Variants in DYRK1A observed in about 807,000 individuals in gnomAD.
DYRK1A encodes dual specificity tyrosine-phosphorylation-regulated kinase 1A.
Under a neutral mutation model 79.7 loss-of-function variants are expected in DYRK1A, and 9 were observed. The ratio of observed to expected loss-of-function variants is 0.11; its 90% CI spans 0.07 to 0.20. The LOEUF (loss-of-function observed/expected upper bound fraction) is 0.20, where lower values mean the gene tolerates loss of function less well. Ranked by LOEUF, DYRK1A falls within the 10% of genes least tolerant of loss-of-function variation. The pLI, the probability that DYRK1A is intolerant of heterozygous loss-of-function variation, is 1.00. For synonymous variants in DYRK1A, 349 were observed against 329.7 expected, an observed-to-expected ratio of 1.06 and a Z score of -0.63; for missense variants, 622 against 956.0, an observed-to-expected ratio of 0.65 and a Z score of 4.61.
Position 37,425,737 on chromosome 21 carries a change from A to T in DYRK1A, c.10+5353A>T, listed in dbSNP as rs572588601. On this transcript the variant is annotated intron_variant, in intron 2 of 11. Coordinates refer to ENST00000647188, the MANE Select transcript of DYRK1A (RefSeq NM_001347721.2). ...GCAAAACCAAAACGTCACATTCAGC[A>T]TCTGCAAGACTAGGTGAACAGTATC... 3.9e-5 allele frequency: 6 copies of T among 152,362 alleles called. No individual in the cohort carries two copies. The South Asian group carries it at 1.2e-3, about 32-fold the overall frequency. The allele number at this position is 152,362 out of a possible 1,614,324, so 9.4% of individuals were successfully genotyped here.
At chr21:37,368,009 C>A in intron 1 of DYRK1A, 1 of 155,824 alleles carries the variant, frequency 6.4e-6, no homozygotes, top group South Asian at 1.8e-4. Context: ...TCCCTCCTCT[C>A]GGTCCCCACC....
rs1156291061 is a variant in DYRK1A at position 37,514,309 on chromosome 21, A to C, written c.*1778A>C. ...ATGTAACACAGTCTGGCAGTTGCTA[A>C]ATTTGTGTTCCCATTTTAAATTGAC... On this transcript the variant is annotated 3_prime_UTR_variant, in exon 12 of 12. Coordinates refer to ENST00000647188, the MANE Select transcript of DYRK1A (RefSeq NM_001347721.2). 3 of 152,588 alleles carry C rather than the reference A, an allele frequency of 2.0e-5. No individual in the cohort carries two copies. Among genetic ancestry groups the C allele is most frequent in the African/African-American group, 7.2e-5 (3 of 41,434 alleles). 9.5% of individuals were successfully genotyped at this position (152,588 alleles called of 1,614,324 possible).
intron 7 of DYRK1A, 125 bp from the exon 8 acceptor site, chr21:37,492,892 A>G (rs1453671781): frequency 7.0e-6 from 5 of 715,590 alleles, no homozygotes; most frequent in African/African-American, 3.5e-5. Flanking sequence ...GTTGAAGTTA[A>G]TCAATGGAAC....
intron 1 of DYRK1A, among the ~76,000 whole-genome samples, chr21:37,404,605 C>G (rs1445574809): frequency 6.6e-6 from 1 of 152,220 alleles, no homozygotes; most frequent in Non-Finnish European, 1.5e-5. Context: ...CCATGCTTTA[C>G]TGAGCCTCTA....
In DYRK1A at chr21:37,482,760, G is replaced by A. The variant is rs576912057; in HGVS notation, c.489+1934G>A. ...CCCTACAGTCTCGACCATAGAAGAC[G>A]GCCACACCCAAGGGGGCCATTTCAG... On this transcript the variant is annotated intron_variant, in intron 5 of 11. Coordinates refer to ENST00000647188, the MANE Select transcript of DYRK1A (RefSeq NM_001347721.2). Among the ~76,000 whole-genome samples the A allele has an allele frequency of 1.4e-4, 21 of 152,208 alleles. No homozygotes were observed. The East Asian group carries it at 3.7e-3, about 27-fold the overall frequency.
chr21:37,399,969 A>T (rs1415390183), intron 1 of DYRK1A, among the ~76,000 whole-genome samples: 2 of 152,190 alleles, frequency 1.3e-5, no homozygotes, highest in African/African-American at 4.8e-5. Context: ...AGATTTAGTG[A>T]CTTAAAACAA....
intron 1 of DYRK1A, among the ~76,000 whole-genome samples, chr21:37,403,462 A>T (rs1281442027): frequency 6.6e-6 from 1 of 151,868 alleles, no homozygotes; most frequent in Admixed American, 6.6e-5. Context: ...TTAAAAAACA[A>T]CAACAGAGGC....
chr21:37,372,842 C>T (rs1170900173), intron 1 of DYRK1A, among the ~76,000 whole-genome samples: 1 of 152,132 alleles, frequency 6.6e-6, no homozygotes, highest in Non-Finnish European at 1.5e-5. Flanking sequence ...ACCAGGTAGT[C>T]TTCCTTGGCC....
In DYRK1A at chr21:37,401,918, A is replaced by G. The variant is rs186075360; in HGVS notation, c.-76-18381A>G. On this transcript the variant is annotated intron_variant, in intron 1 of 11. Transcript: ENST00000647188. Reference sequence around the variant, plus strand: ...GTTCTACATTTTGAGGGATATACACATTACATATTTTCAAATATTTAGAGT... The same window carrying G: ...GTTCTACATTTTGAGGGATATACACGTTACATATTTTCAAATATTTAGAGT... Among the ~76,000 whole-genome samples, 37 of 152,326 alleles carry G rather than the reference A, an allele frequency of 2.4e-4. No homozygotes were observed. In the East Asian group the frequency reaches 6.4e-3, roughly 26 times the overall value.
chr21:37,379,630 G>A (rs910003290), intron 1 of DYRK1A, among the ~76,000 whole-genome samples: 3 of 152,210 alleles, frequency 2.0e-5, no homozygotes, highest in African/African-American at 7.2e-5. Context: ...AAATAGGGCA[G>A]TGGGAGAGGG....
At chr21:37,408,933 C>T (rs13047129) in intron 1 of DYRK1A, among the ~76,000 whole-genome samples, 2,154 of 152,252 alleles carry the variant, frequency 0.014, 20 homozygotes, top group Middle Eastern at 0.027. Flanking sequence ...CATGCAGTTA[C>T]CTGCAGTTCA....
intron 8 of DYRK1A, 85 bp from the exon 9 acceptor site, chr21:37,496,033 A>G (rs1042147699): frequency 4.2e-5 from 58 of 1,391,276 alleles, no homozygotes; most frequent in East Asian, 1.6e-4. Flanking sequence ...GAGGTGTGCA[A>G]TTTATTTATG....
intron 2 of DYRK1A, among the ~76,000 whole-genome samples, chr21:37,450,814 C>G (rs2148500927): frequency 6.6e-6 from 1 of 152,326 alleles, no homozygotes; most frequent in East Asian, 1.9e-4. Flanking sequence ...CAGTACTTCC[C>G]TCCAAAGCAC....
intron 2 of DYRK1A, among the ~76,000 whole-genome samples, chr21:37,467,355 G>A (rs938214224): frequency 6.6e-6 from 1 of 152,154 alleles, no homozygotes; most frequent in Non-Finnish European, 1.5e-5. Context: ...TCAGCCTCCT[G>A]AGTAACTGGG....
chr21:37,404,849 C>CA (rs1327170313), intron 1 of DYRK1A, among the ~76,000 whole-genome samples: 1 of 152,174 alleles, frequency 6.6e-6, no homozygotes, highest in East Asian at 1.9e-4. Context: ...AGGTTCTTTG[C>CA]AGGTGCTTGG....
At chr21:37,431,992 A>G (rs913389650) in intron 2 of DYRK1A, among the ~76,000 whole-genome samples, 2 of 152,214 alleles carry the variant, frequency 1.3e-5, no homozygotes, top group African/African-American at 2.4e-5. Context: ...CAGTACAAAA[A>G]CCAGTTTTTA....
At chr21:37,464,940 C>T (rs2051974252) in intron 2 of DYRK1A, among the ~76,000 whole-genome samples, 1 of 152,144 alleles carries the variant, frequency 6.6e-6, no homozygotes, top group Admixed American at 6.5e-5. Flanking sequence ...GTTTTGTCCC[C>T]TTGGAATCTT....
chr21:37,373,352 G>A (rs974636275), intron 1 of DYRK1A, among the ~76,000 whole-genome samples: 3 of 152,218 alleles, frequency 2.0e-5, no homozygotes, highest in Non-Finnish European at 4.4e-5. Flanking sequence ...TGTGACTTAA[G>A]AGTATAGAAT....
At chr21:37,506,257 C>T in intron 11 of DYRK1A, 34 bp downstream of exon 11, 1 of 1,613,854 alleles carries the variant, frequency 6.2e-7, no homozygotes, top group Non-Finnish European at 8.5e-7. Flanking sequence ...GCTTGTGTCA[C>T]CTGCCATTCT....
Sources: allele counts gnomAD v4.1 joint callset (sites outside exome capture counted in the v4.1 genomes callset), GRCh38; gene constraint gnomAD v4.1.1; transcripts MANE v1.5; gene names NCBI Gene and HGNC (gene_info 2026-07-23, HGNC 2026-07-21).